OCA2: variants seen among roughly 807,000 people sequenced by gnomAD.
OCA2 encodes P protein.
OCA2 carries 77 observed loss-of-function variants against 100.2 expected under a neutral mutation model. The ratio of observed to expected loss-of-function variants is 0.77; its 90% CI spans 0.64 to 0.93. The LOEUF (loss-of-function observed/expected upper bound fraction) is 0.93. Ranked by LOEUF, OCA2 falls within the 40% of genes least tolerant of loss-of-function variation. The probability of loss-of-function intolerance (pLI) is 0.00; values close to 1 mark genes in which losing one functional copy is unlikely to be tolerated. For missense variants in OCA2, 1,062 were observed against 1,089.1 expected (o/e 0.98, Z 0.35); for synonymous variants, 432 against 439.2 (o/e 0.98, Z 0.21).
At chr15:28,059,780 C>T (rs1054873145) in intron 2 of OCA2, among the ~76,000 whole-genome samples, 11 of 152,196 alleles carry the variant, frequency 7.2e-5, no homozygotes, top group African/African-American at 2.7e-4. Context: ...CGCACTGGGT[C>T]ACTTCGTGTG....
At chr15:27,722,742 CTTT>C in the OCA2 span, among the ~76,000 whole-genome samples, 2 of 127,376 alleles carry the variant, frequency 1.6e-5, no homozygotes, top group South Asian at 2.6e-4. Context: ...TTTCTTTCTT[CTTT>C]CTTCTTCTTT....
intron 21 of OCA2, among the ~76,000 whole-genome samples, chr15:27,870,523 G>A (rs2036503929): frequency 6.6e-6 from 1 of 152,136 alleles, no homozygotes; most frequent in Non-Finnish European, 1.5e-5. Flanking sequence ...TCCAATCCTG[G>A]CTGGGGCTCA....
chr15:27,819,806 T>A (rs1292172799), intron 23 of OCA2, among the ~76,000 whole-genome samples: 1 of 152,200 alleles, frequency 6.6e-6, no homozygotes, highest in East Asian at 1.9e-4. Context: ...TGACATTCAG[T>A]ATCAATGAGC....
chr15:27,726,865 A>T, the OCA2 span, among the ~76,000 whole-genome samples: 2 of 152,254 alleles, frequency 1.3e-5, no homozygotes, highest in Admixed American at 1.3e-4. Flanking sequence ...GTTGAGATGG[A>T]TCTCCATTAC....
At chr15:27,997,120 G>A (rs377665532) in intron 9 of OCA2, among the ~76,000 whole-genome samples, 125 of 58,158 alleles carry the variant, frequency 2.1e-3, no homozygotes, top group Non-Finnish European at 6.7e-3. Context: ...AGAAAGGAAG[G>A]AAGGAAGGAA....
intron 23 of OCA2, among the ~76,000 whole-genome samples, chr15:27,839,992 A>C (rs1391625): frequency 0.79 from 119,831 of 152,048 alleles, 48,341 homozygotes; most frequent in East Asian, 1. Context: ...AGATGAAAGG[A>C]AAGCCACACT....
At chr15:27,866,438 A>G (rs1489191446) in intron 21 of OCA2, among the ~76,000 whole-genome samples, 1 of 152,212 alleles carries the variant, frequency 6.6e-6, no homozygotes, top group Middle Eastern at 3.2e-3. Context: ...CCTCAGTAAC[A>G]GAGTAGCAGA....
rs190368061 is a variant in OCA2, at chr15:27,951,926, C to A, written c.1843-34G>T. On this transcript the variant is annotated intron_variant, in intron 17 of 23. Transcript: ENST00000354638. ...GAGAAACCACAGCTCATTTACTCTGCACAACCTTCTGACTCCTGCAGCGTG... is the reference window on the plus strand; with the variant it reads ...GAGAAACCACAGCTCATTTACTCTGAACAACCTTCTGACTCCTGCAGCGTG... The A allele has an allele frequency of 8.4e-6, 12 of 1,420,150 alleles. No individual in the cohort carries two copies. The East Asian group carries it at 2.8e-4, about 33-fold the overall frequency. 88.0% of individuals were successfully genotyped at this position (1,420,150 alleles called of 1,614,324 possible).
chr15:28,081,732 G>C lies in OCA2; in HGVS notation c.143C>G (p.Ser48Trp). The change falls in exon 2 of 24, where the codon TCG becomes TGG. Residue 48 changes from serine (S) to tryptophan (W), a missense_variant. By Grantham distance (177) the Ser-to-Trp change is radical (BLOSUM62 -3). Coordinates refer to ENST00000354638, the MANE Select transcript of OCA2 (RefSeq NM_000275.3). Reference sequence around the variant, plus strand: ...GGCAGCCCCCCTGGGGCAGGAGTGCGAGGGGTCAGCTCCACCGGCTCCCCG... The same window carrying C: ...GGCAGCCCCCCTGGGGCAGGAGTGCCAGGGGTCAGCTCCACCGGCTCCCCG... ...LPRGAGGADP[S>W]HSCPRGAAGQ... 2 of 1,613,698 alleles carry C rather than the reference G, an allele frequency of 1.2e-6. No homozygotes were observed. Among genetic ancestry groups the C allele is most frequent in the South Asian group, 1.1e-5 (1 of 91,066 alleles).
At chr15:27,978,015 C>T (rs1415916824) in intron 14 of OCA2, among the ~76,000 whole-genome samples, 2 of 152,190 alleles carry the variant, frequency 1.3e-5, no homozygotes, top group Non-Finnish European at 1.5e-5. Flanking sequence ...CTGATGAGTA[C>T]AAAAATACTT....
At chr15:27,754,403 G>A (rs1402092277), downstream of OCA2, among the ~76,000 whole-genome samples, 1 of 152,148 alleles carries the variant, frequency 6.6e-6, no homozygotes, top group African/African-American at 2.4e-5. Flanking sequence ...CAATCACTTC[G>A]GAGCAGTGTC....
At chr15:28,075,933 T>C (rs1290781214) in intron 2 of OCA2, among the ~76,000 whole-genome samples, 1 of 152,234 alleles carries the variant, frequency 6.6e-6, no homozygotes. Context: ...ATATTCCAGA[T>C]CTTGATTTGC....
the OCA2 span, among the ~76,000 whole-genome samples, chr15:27,722,656 C>CTCT: frequency 1.3e-5 from 1 of 74,298 alleles, no homozygotes; most frequent in Admixed American, 1.4e-4. Context: ...CTTCTTTTCT[C>CTCT]TCTTTCTTTC....
chr15:27,969,813 G>A (rs544474541), intron 14 of OCA2, among the ~76,000 whole-genome samples: 13 of 151,704 alleles, frequency 8.6e-5, no homozygotes, highest in Non-Finnish European at 1.8e-4. Context: ...TGACGCTTCA[G>A]GCTAGCTCTG....
intron 15 of OCA2, among the ~76,000 whole-genome samples, chr15:27,963,895 C>T (rs996728734): frequency 6.6e-6 from 1 of 152,084 alleles, no homozygotes; most frequent in Non-Finnish European, 1.5e-5. Context: ...AAACTACCAA[C>T]ATCAGGAATG....
chr15:27,994,136 A>G (rs1300477346), intron 9 of OCA2, among the ~76,000 whole-genome samples: 7 of 152,144 alleles, frequency 4.6e-5, no homozygotes, highest in African/African-American at 1.7e-4. Context: ...GCACAGTGGG[A>G]GGTGAGCTGG....
At chr15:27,771,959 G>A (rs900046179) in intron 23 of OCA2, among the ~76,000 whole-genome samples, 10 of 152,156 alleles carry the variant, frequency 6.6e-5, no homozygotes, top group South Asian at 4.2e-4. Context: ...TACTTTGTGC[G>A]CCTATTACTT....
intron 2 of OCA2, among the ~76,000 whole-genome samples, chr15:28,077,220 C>T (rs2044461168): frequency 6.6e-6 from 1 of 151,792 alleles, no homozygotes; most frequent in Admixed American, 6.6e-5. Flanking sequence ...CCACCAGGCC[C>T]GGATAATTTT....
chr15:27,782,098 C>CT (rs2032574112), intron 23 of OCA2, among the ~76,000 whole-genome samples: 1 of 152,194 alleles, frequency 6.6e-6, no homozygotes, highest in Non-Finnish European at 1.5e-5. Context: ...TCTGTCTTTC[C>CT]TTTTTTGCTC....
Sources: gnomAD v4.1 joint callset for allele counts (sites outside exome capture counted in the v4.1 genomes callset) on GRCh38, gnomAD v4.1.1 for gene constraint, MANE v1.5 for transcripts, NCBI Gene and HGNC (gene_info 2026-07-23, HGNC 2026-07-21) for gene names.